The following SLC15A5 variants were observed in gnomAD, a reference collection of about 807,000 sequenced individuals.
The protein encoded by SLC15A5 is Peptide/histidine transporter ENSP00000340402.
SLC15A5 carries 58 observed loss-of-function variants against 56.1 expected under a neutral mutation model. That is an observed-to-expected ratio of 1.03 (90% confidence interval 0.84 to 1.29). SLC15A5 has a LOEUF of 1.29. Ranked by LOEUF, SLC15A5 falls within the 50% of genes most tolerant of loss-of-function variation. The probability of loss-of-function intolerance (pLI) is 0.00; values close to 1 mark genes in which losing one functional copy is unlikely to be tolerated. For missense variants in SLC15A5, 681 were observed against 672.1 expected (o/e 1.01, Z -0.15); for synonymous variants, 264 against 250.5 (o/e 1.05, Z -0.51).
intron 2 of SLC15A5, 119 bp downstream of exon 2, chr12:16,272,442 A>T (rs1864769649): frequency 1.1e-6 from 1 of 907,026 alleles, no homozygotes; most frequent in Non-Finnish European, 1.7e-6. Context: ...CAGATTCATC[A>T]CATCATCACT....
chr12:16,217,181 G>A (rs530114209), intron 6 of SLC15A5, among the ~76,000 whole-genome samples, 157 bp from the exon 7 acceptor site: 2 of 152,278 alleles, frequency 1.3e-5, no homozygotes, highest in East Asian at 3.9e-4. Context: ...AAGATATACT[G>A]TGTTACAATT....
intron 3 of SLC15A5, among the ~76,000 whole-genome samples, chr12:16,246,738 C>T (rs558368098): frequency 6.6e-6 from 1 of 151,982 alleles, no homozygotes; most frequent in South Asian, 2.1e-4. Flanking sequence ...ACTCACTAAC[C>T]GTTTTTTTGT....
At chr12:16,266,865 C>A (rs1195702849) in intron 2 of SLC15A5, among the ~76,000 whole-genome samples, 2 of 152,104 alleles carry the variant, frequency 1.3e-5, no homozygotes, top group African/African-American at 2.4e-5. Context: ...TAAATACAGA[C>A]TGAGAACTGC....
At chr12:16,249,953 C>G (rs930307595) in intron 3 of SLC15A5, among the ~76,000 whole-genome samples, 1 of 151,946 alleles carries the variant, frequency 6.6e-6, no homozygotes, top group Non-Finnish European at 1.5e-5. Flanking sequence ...TGACCGCATT[C>G]TATAGACTAC....
intron 7 of SLC15A5, among the ~76,000 whole-genome samples, chr12:16,211,290 T>G (rs1864077370): frequency 6.6e-6 from 1 of 152,224 alleles, no homozygotes; most frequent in Non-Finnish European, 1.5e-5. Flanking sequence ...CAAGAGTGAC[T>G]CAGTCATTCG....
intron 3 of SLC15A5, among the ~76,000 whole-genome samples, chr12:16,253,942 C>G (rs1864543974): frequency 6.6e-6 from 1 of 152,034 alleles, no homozygotes; most frequent in Admixed American, 6.6e-5. Context: ...AGTATATATC[C>G]ATAAGAATTC....
chr12:16,217,673 G>A (rs1864143600), intron 6 of SLC15A5, among the ~76,000 whole-genome samples: 1 of 152,138 alleles, frequency 6.6e-6, no homozygotes, highest in African/African-American at 2.4e-5. Flanking sequence ...CCTGGGTCCT[G>A]AATAAGGGTT....
chr12:16,203,505 A>G (rs1863983494), intron 7 of SLC15A5, among the ~76,000 whole-genome samples: 1 of 152,184 alleles, frequency 6.6e-6, no homozygotes. Flanking sequence ...CTTAATAGCT[A>G]CTTAAGAAAC....
rs967758001 is a variant in SLC15A5, at chr12:16,273,726, A to G, written c.362-943T>C. Among the ~76,000 whole-genome samples, 8 of 105,210 alleles carry G rather than the reference A, an allele frequency of 7.6e-5. No homozygotes were observed. The Admixed American group carries it at 1.0e-3, about 14-fold the overall frequency. 69.0% of individuals were successfully genotyped at this position (105,210 alleles called of 152,430 possible). A position where few individuals can be genotyped will look rare whatever the true frequency, so the allele number is the denominator to read the frequency against. ...CTTCTTGGACCTCCTACCATCAAGT[A>G]GTCAAATAAATTTTTTTTTTTTTTT... On this transcript the variant is annotated intron_variant, in intron 1 of 8. Coordinates refer to ENST00000344941, the MANE Select transcript of SLC15A5 (RefSeq NM_001170798.1).
chr12:16,197,738 C>A (rs1863908417), intron 7 of SLC15A5, among the ~76,000 whole-genome samples: 1 of 139,238 alleles, frequency 7.2e-6, no homozygotes, highest in African/African-American at 2.7e-5. Context: ...GATACTTCTT[C>A]ATGTTCTGTA....
intron 3 of SLC15A5, among the ~76,000 whole-genome samples, chr12:16,251,938 G>A (rs1864522978): frequency 6.6e-6 from 1 of 151,840 alleles, no homozygotes; most frequent in South Asian, 2.1e-4. Flanking sequence ...CACATTAAAT[G>A]GATCATAGAC....
chr12:16,203,714 G>A (rs993502167), intron 7 of SLC15A5, among the ~76,000 whole-genome samples: 2 of 152,120 alleles, frequency 1.3e-5, no homozygotes, highest in Non-Finnish European at 1.5e-5. Flanking sequence ...TAAGCTCTGG[G>A]TCCTGAGAAA....
intron 5 of SLC15A5, among the ~76,000 whole-genome samples, chr12:16,231,777 A>AT (rs1176806592): frequency 2.0e-5 from 3 of 152,204 alleles, no homozygotes; most frequent in African/African-American, 4.8e-5. Flanking sequence ...AAAAACTAAG[A>AT]TTTTGAATGA....
chr12:16,239,353 T>C (rs1275820014), intron 5 of SLC15A5, among the ~76,000 whole-genome samples: 1 of 152,240 alleles, frequency 6.6e-6, no homozygotes, highest in Non-Finnish European at 1.5e-5. Context: ...TAACTGTTTA[T>C]TTTTAAGAAC....
chr12:16,225,888 G>T (rs975633886), intron 5 of SLC15A5, among the ~76,000 whole-genome samples: 1 of 152,192 alleles, frequency 6.6e-6, no homozygotes, highest in African/African-American at 2.4e-5. Context: ...TGGCCATCCA[G>T]TGCTTAGGCT....
chr12:16,192,740 C>A (rs1863849011), intron 8 of SLC15A5, among the ~76,000 whole-genome samples: 1 of 152,022 alleles, frequency 6.6e-6, no homozygotes, highest in Non-Finnish European at 1.5e-5. Context: ...CTTGGCCACA[C>A]CTCAATGTAA....
intron 3 of SLC15A5, among the ~76,000 whole-genome samples, chr12:16,250,640 C>CT (rs1372936232): frequency 6.6e-6 from 1 of 151,804 alleles, no homozygotes; most frequent in Non-Finnish European, 1.5e-5. Flanking sequence ...AAAACATAGA[C>CT]TTTTTAATAA....
chr12:16,235,198 T>C lies in SLC15A5; in HGVS notation c.1162+4483A>G, dbSNP rs942366345. On this transcript the variant is annotated intron_variant, in intron 5 of 8. Transcript: ENST00000344941. The surrounding 1 kb of genome is among the most constrained non-coding windows in gnomAD (Gnocchi z 4.1). ...TTTATTTTTATTGTTTTCCCCTATTTGTGGCATGTTTTTATACATAATATA... is the reference window on the plus strand; with the variant it reads ...TTTATTTTTATTGTTTTCCCCTATTCGTGGCATGTTTTTATACATAATATA... Among the ~76,000 whole-genome samples the C allele has an allele frequency of 2.6e-5, 4 of 151,014 alleles. No homozygotes were observed. Among genetic ancestry groups the C allele is most frequent in the African/African-American group, 9.7e-5 (4 of 41,204 alleles).
At chr12:16,267,150 G>A (rs1487920160) in intron 2 of SLC15A5, among the ~76,000 whole-genome samples, 1 of 152,146 alleles carries the variant, frequency 6.6e-6, no homozygotes, top group Non-Finnish European at 1.5e-5. Flanking sequence ...ATCAAAGAAA[G>A]AAGGCAAATT....
Sources: gnomAD v4.1 joint callset for allele counts (sites outside exome capture counted in the v4.1 genomes callset) on GRCh38, gnomAD v4.1.1 for gene constraint, Gnocchi (gnomAD v3.1) non-coding constraint, MANE v1.5 for transcripts, NCBI Gene and HGNC (gene_info 2026-07-23, HGNC 2026-07-21) for gene names.